NRG1: variants seen among roughly 807,000 people sequenced by gnomAD.
NRG1 encodes the protein pro-neuregulin-1, membrane-bound isoform.
Under a neutral mutation model 63.8 loss-of-function variants are expected in NRG1, and 18 were observed. The observed-to-expected ratio is 0.28, with a 90% CI of 0.19 to 0.42. NRG1 has a LOEUF of 0.42. NRG1 is among the 10% of genes least tolerant of loss of function. The probability of loss-of-function intolerance (pLI) is 1.00; values close to 1 mark genes in which losing one functional copy is unlikely to be tolerated. For missense variants in NRG1, 762 were observed against 814.7 expected (o/e 0.94, Z 0.79); for synonymous variants, 302 against 301.3 (o/e 1.00, Z -0.02).
chr8:31,705,052 T>C (rs1206831401), intron 1 of NRG1, among the ~76,000 whole-genome samples: 1 of 151,974 alleles, frequency 6.6e-6, no homozygotes, highest in African/African-American at 2.4e-5. Context: ...TTGTTTTGTT[T>C]TTGAGACGGA....
intron 1 of NRG1, among the ~76,000 whole-genome samples, chr8:32,334,647 C>G (rs1206794724): frequency 6.6e-6 from 1 of 152,134 alleles, no homozygotes; most frequent in Non-Finnish European, 1.5e-5. Flanking sequence ...TGAAAAGGCC[C>G]TGTTTCAGAA....
chr8:32,669,760 T>C (rs1375136588), intron 5 of NRG1, among the ~76,000 whole-genome samples: 1 of 152,220 alleles, frequency 6.6e-6, no homozygotes, highest in African/African-American at 2.4e-5. Flanking sequence ...TTTTGCCTGA[T>C]GGTATATGCT....
At chr8:32,353,553 A>C (rs1325960970) in intron 1 of NRG1, among the ~76,000 whole-genome samples, 2 of 152,188 alleles carry the variant, frequency 1.3e-5, no homozygotes, top group East Asian at 3.9e-4. Flanking sequence ...ATAGCCAAAA[A>C]GCATATAAAA....
chr8:32,737,556 A>T (rs574496748), intron 6 of NRG1, among the ~76,000 whole-genome samples: 1 of 133,758 alleles, frequency 7.5e-6, no homozygotes, highest in Non-Finnish European at 1.5e-5. Context: ...GTCTCAAAAA[A>T]TAAAAAAAAA....
chr8:32,446,999 TTTTATTTATTTATTTA>T (rs67102016), intron 1 of NRG1, among the ~76,000 whole-genome samples: 1 of 146,344 alleles, frequency 6.8e-6, no homozygotes, highest in Non-Finnish European at 1.5e-5. Context: ...CTAAAATACT[TTTTATTTATTTATTTA>T]TTTATTTATT....
intron 1 of NRG1, among the ~76,000 whole-genome samples, chr8:32,104,152 A>G (rs1329838724): frequency 1.3e-5 from 2 of 152,186 alleles, no homozygotes; most frequent in Non-Finnish European, 2.9e-5. Context: ...TACTACAGAC[A>G]TACTACATAC....
At chr8:32,547,289 G>C (rs1281142712), upstream of NRG1, among the ~76,000 whole-genome samples, 1 of 152,106 alleles carries the variant, frequency 6.6e-6, no homozygotes, top group Non-Finnish European at 1.5e-5. Context: ...GGAAGGAGTA[G>C]GTTTCACGCG....
At chr8:32,123,456 G>T (rs929600407) in intron 1 of NRG1, among the ~76,000 whole-genome samples, 5 of 151,784 alleles carry the variant, frequency 3.3e-5, no homozygotes, top group African/African-American at 1.2e-4. Context: ...GGCCTCCCCA[G>T]CCATGTAGAA....
chr8:32,119,165 A>C (rs1703649939), intron 1 of NRG1, among the ~76,000 whole-genome samples: 1 of 152,112 alleles, frequency 6.6e-6, no homozygotes, highest in Non-Finnish European at 1.5e-5. Flanking sequence ...AGGTAGAAGG[A>C]AAGAATGAGT....
intron 8 of NRG1, among the ~76,000 whole-genome samples, chr8:32,756,073 GT>G (rs1397196093): frequency 6.6e-6 from 1 of 152,116 alleles, no homozygotes; most frequent in African/African-American, 2.4e-5. Context: ...ACAAATAAGT[GT>G]CCATTTGTAA....
intron 5 of NRG1, among the ~76,000 whole-genome samples, chr8:32,691,744 ATTG>A (rs546557389): frequency 5.9e-5 from 9 of 152,208 alleles, no homozygotes; most frequent in African/African-American, 1.4e-4. Context: ...AGTTATGGGA[ATTG>A]TTGTTGTGAT....
intron 1 of NRG1, among the ~76,000 whole-genome samples, chr8:32,439,597 A>G (rs1185850379): frequency 2.0e-5 from 3 of 152,134 alleles, no homozygotes; most frequent in Admixed American, 1.3e-4. Context: ...TTCTTTGGAC[A>G]TTACAGGCTA....
intron 1 of NRG1, among the ~76,000 whole-genome samples, chr8:31,834,303 G>GCACACA (rs1164361651): frequency 1.3e-4 from 2 of 15,280 alleles, no homozygotes; most frequent in Admixed American, 1.2e-3. Flanking sequence ...GTGCGCGCAC[G>GCACACA]CGCGCACACA....
At chr8:32,546,104 G>A (rs1833036345), upstream of NRG1, among the ~76,000 whole-genome samples, 1 of 151,982 alleles carries the variant, frequency 6.6e-6, no homozygotes, top group African/African-American at 2.4e-5. Context: ...TTGTAGTCAT[G>A]TATGCTTAAT....
chr8:32,552,799 G>A (rs958402209), intron 1 of NRG1, among the ~76,000 whole-genome samples: 1 of 152,080 alleles, frequency 6.6e-6, no homozygotes, highest in African/African-American at 2.4e-5. Flanking sequence ...CCATGAAATG[G>A]TCAGATAACA....
intron 5 of NRG1, among the ~76,000 whole-genome samples, chr8:32,623,911 G>A (rs968657086): frequency 1.3e-5 from 2 of 152,196 alleles, no homozygotes; most frequent in African/African-American, 2.4e-5. Flanking sequence ...TGAAATTAAC[G>A]CTTTACAGAA....
chr8:32,173,026 A>G (rs1206420942), intron 1 of NRG1, among the ~76,000 whole-genome samples: 1 of 152,156 alleles, frequency 6.6e-6, no homozygotes, highest in African/African-American at 2.4e-5. Context: ...CAACTCCAAG[A>G]CACATAATTG....
chr8:32,233,241 A>G lies in NRG1; in HGVS notation c.38-362587A>G, dbSNP rs562153466. Among the ~76,000 whole-genome samples the G allele has an allele frequency of 6.6e-5, 10 of 152,068 alleles. No individual in the cohort carries two copies. The East Asian group carries it at 1.9e-3, about 30-fold the overall frequency. On this transcript the variant is annotated intron_variant, in intron 1 of 10. Coordinates refer to the NRG1 transcript ENST00000519301. ...TTCAGCCTCCCCAGTAGCTGGGACT[A>G]CAGGTGTGTGCCACCATGCTTGGCT...
At chr8:32,386,628 C>T (rs922578722) in intron 1 of NRG1, among the ~76,000 whole-genome samples, 4 of 152,118 alleles carry the variant, frequency 2.6e-5, no homozygotes, top group Admixed American at 2.0e-4. Context: ...CATTCTAAGG[C>T]CTATAAAGTA....
Sources: gnomAD v4.1 joint callset for allele counts (sites outside exome capture counted in the v4.1 genomes callset) on GRCh38, gnomAD v4.1.1 for gene constraint, MANE v1.5 for transcripts, NCBI Gene and HGNC (gene_info 2026-07-23, HGNC 2026-07-21) for gene names.